Variants in DAB1 observed in about 807,000 individuals in gnomAD.
DAB1 encodes the protein disabled homolog 1.
A neutral mutation model predicts 64.6 loss-of-function variants in DAB1; 15 were observed. The observed-to-expected ratio is 0.23, with a 90% CI of 0.16 to 0.36. DAB1 has a LOEUF of 0.36. Among genes scored for constraint, DAB1 ranks in the 10% least tolerant of loss-of-function variants. The probability of loss-of-function intolerance (pLI) is 1.00; values close to 1 mark genes in which losing one functional copy is unlikely to be tolerated. For missense variants in DAB1, 596 were observed against 706.7 expected (o/e 0.84, Z 1.78); for synonymous variants, 235 against 251.9 (o/e 0.93, Z 0.64).
Position 58,092,229 on chromosome 1 carries a change from G to A in DAB1, n.387+58282C>T, listed in dbSNP as rs550682145. Among the ~76,000 whole-genome samples, 9 of 151,962 alleles carry A rather than the reference G, an allele frequency of 5.9e-5. No homozygotes were observed. In the South Asian group the frequency reaches 1.7e-3, roughly 28 times the overall value. On this transcript the variant is annotated intron_variant and non_coding_transcript_variant, in intron 5 of 20. Coordinates refer to the DAB1 transcript ENST00000485760. ...TGGGCACCTGTAATCCCAGCTACTTGGAAGGCTGAGGCAGAGAATTGCTTG... is the reference window on the plus strand; with the variant it reads ...TGGGCACCTGTAATCCCAGCTACTTAGAAGGCTGAGGCAGAGAATTGCTTG...
chr1:57,849,523 G>A (rs900550029), intron 1 of DAB1, among the ~76,000 whole-genome samples: 2 of 152,174 alleles, frequency 1.3e-5, no homozygotes, highest in African/African-American at 4.8e-5. Flanking sequence ...AGTTGAAGGC[G>A]TGATTCACAG....
intron 1 of DAB1, among the ~76,000 whole-genome samples, chr1:57,328,640 G>T (rs975229985): frequency 6.6e-6 from 1 of 152,158 alleles, no homozygotes; most frequent in African/African-American, 2.4e-5. Flanking sequence ...GTGATTTGAA[G>T]AAGGTCACAA....
At chr1:57,935,258 C>G (rs1001123922) in intron 5 of DAB1, among the ~76,000 whole-genome samples, 1 of 152,124 alleles carries the variant, frequency 6.6e-6, no homozygotes, top group African/African-American at 2.4e-5. Flanking sequence ...AGCTGTATGG[C>G]CTCTATTAAG....
chr1:57,399,424 T>C (rs1251623790), intron 1 of DAB1, among the ~76,000 whole-genome samples: 2 of 152,204 alleles, frequency 1.3e-5, no homozygotes, highest in Non-Finnish European at 2.9e-5. Context: ...ATATTAATAT[T>C]AATTCAAACC....
At chr1:57,988,454 G>C (rs1359812576) in intron 5 of DAB1, among the ~76,000 whole-genome samples, 1 of 152,198 alleles carries the variant, frequency 6.6e-6, no homozygotes, top group African/African-American at 2.4e-5. Context: ...GACCATTTAG[G>C]TAAACTTCCT....
At chr1:57,599,297 C>T (rs1366534295) in intron 7 of DAB1, among the ~76,000 whole-genome samples, 1 of 151,568 alleles carries the variant, frequency 6.6e-6, no homozygotes, top group East Asian at 1.9e-4. Context: ...AAACATATTT[C>T]CTTATGCCCA....
At chr1:58,335,653 G>A (rs1213645) in intron 4 of DAB1, among the ~76,000 whole-genome samples, 5,756 of 152,218 alleles carry the variant, frequency 0.038, 389 homozygotes, top group African/African-American at 0.13. Context: ...GTGTTTGGGG[G>A]CAGGGTGGAA....
chr1:57,048,728 C>T (rs2100515831), intron 9 of DAB1, among the ~76,000 whole-genome samples: 1 of 152,300 alleles, frequency 6.6e-6, no homozygotes, highest in African/African-American at 2.4e-5. Context: ...TATATCTCCT[C>T]TTTCATCTGT....
At chr1:58,399,124 T>A (rs1196511714) in intron 3 of DAB1, among the ~76,000 whole-genome samples, 1 of 152,216 alleles carries the variant, frequency 6.6e-6, no homozygotes, top group African/African-American at 2.4e-5. Context: ...CAGTCCCATT[T>A]TACAGATAAG....
chr1:57,381,640 C>T (rs1351045116), intron 1 of DAB1, among the ~76,000 whole-genome samples: 1 of 152,140 alleles, frequency 6.6e-6, no homozygotes, highest in Non-Finnish European at 1.5e-5. Flanking sequence ...AAACCAGTCT[C>T]CTCACCATTT....
intron 6 of DAB1, among the ~76,000 whole-genome samples, chr1:57,813,911 C>T (rs886187622): frequency 3.3e-5 from 5 of 152,252 alleles, no homozygotes; most frequent in African/African-American, 9.6e-5. Flanking sequence ...CACCCTCTTC[C>T]CATTGTCTAA....
chr1:57,707,601 T>C (rs1646983802), intron 6 of DAB1, among the ~76,000 whole-genome samples: 1 of 152,216 alleles, frequency 6.6e-6, no homozygotes, highest in African/African-American at 2.4e-5. Flanking sequence ...TGCCCAATTA[T>C]ATTCCAGACT....
chr1:57,821,584 C>T (rs1466171176), downstream of DAB1, among the ~76,000 whole-genome samples: 3 of 152,150 alleles, frequency 2.0e-5, no homozygotes, highest in South Asian at 2.1e-4. Flanking sequence ...AGGCAGCTCC[C>T]TGGGTTATCA....
At chr1:58,144,797 C>G (rs554549427) in intron 5 of DAB1, among the ~76,000 whole-genome samples, 1 of 152,294 alleles carries the variant, frequency 6.6e-6, no homozygotes, top group African/African-American at 2.4e-5. Context: ...TTGCCCAGGT[C>G]AGAGTTGTGC....
At chr1:58,481,374 T>C (rs1645479662) in intron 3 of DAB1, among the ~76,000 whole-genome samples, 1 of 152,140 alleles carries the variant, frequency 6.6e-6, no homozygotes, top group Non-Finnish European at 1.5e-5. Flanking sequence ...TTTGGTCAAA[T>C]AGTATTATTT....
At chr1:57,459,563 G>T (rs1006955309) in intron 7 of DAB1, among the ~76,000 whole-genome samples, 1 of 152,000 alleles carries the variant, frequency 6.6e-6, no homozygotes, top group African/African-American at 2.4e-5. Flanking sequence ...ATTCTCTTAT[G>T]AAAAAATAAA....
chr1:57,231,694 T>C (rs766395904), intron 2 of DAB1, among the ~76,000 whole-genome samples: 2 of 152,234 alleles, frequency 1.3e-5, no homozygotes, highest in Non-Finnish European at 2.9e-5. Context: ...TTCAAAAGTA[T>C]AGAAGTAGTA....
intron 4 of DAB1, among the ~76,000 whole-genome samples, chr1:57,086,579 C>T (rs1653093651): frequency 6.6e-6 from 1 of 151,746 alleles, no homozygotes; most frequent in African/African-American, 2.4e-5. Context: ...TCCTGGTCTA[C>T]AGTCCGTGAC....
intron 1 of DAB1, among the ~76,000 whole-genome samples, chr1:57,393,483 G>A (rs192569909): frequency 6.6e-5 from 10 of 151,976 alleles, no homozygotes; most frequent in African/African-American, 2.2e-4. Flanking sequence ...CTTGAGCCCC[G>A]GAGTTCGAGA....
Sources: allele counts gnomAD v4.1 joint callset (sites outside exome capture counted in the v4.1 genomes callset), GRCh38; gene constraint gnomAD v4.1.1; transcripts MANE v1.5; gene names NCBI Gene and HGNC (gene_info 2026-07-23, HGNC 2026-07-21).